NCOA2: variants seen among roughly 807,000 people sequenced by gnomAD.
NCOA2 encodes class E basic helix-loop-helix protein 75.
A neutral mutation model predicts 145.1 loss-of-function variants in NCOA2; 21 were observed. The observed-to-expected ratio is 0.14, with a 90% CI of 0.10 to 0.21. The LOEUF (loss-of-function observed/expected upper bound fraction) is 0.21. Ranked by LOEUF, NCOA2 falls within the 10% of genes least tolerant of loss-of-function variation. The pLI, the probability that NCOA2 is intolerant of heterozygous loss-of-function variation, is 1.00. For missense variants in NCOA2, 1,472 were observed against 1,837.6 expected, an observed-to-expected ratio of 0.80 and a Z score of 3.64; for synonymous variants, 619 against 637.5, an observed-to-expected ratio of 0.97 and a Z score of 0.44.
intron 1 of NCOA2, among the ~76,000 whole-genome samples, chr8:70,315,758 T>C (rs555130458): frequency 9.4e-4 from 143 of 152,288 alleles, no homozygotes; most frequent in African/African-American, 3.1e-3. Context: ...AGAAGTGATT[T>C]TGCAACACTA....
chr8:70,198,891 C>G (rs1163074970), intron 4 of NCOA2, among the ~76,000 whole-genome samples: 2 of 152,218 alleles, frequency 1.3e-5, no homozygotes, highest in Admixed American at 1.3e-4. Flanking sequence ...ACCTGTGGAA[C>G]ACCCCTGTGG....
chr8:70,449,982 C>T, the NCOA2 span, among the ~76,000 whole-genome samples: 3 of 152,058 alleles, frequency 2.0e-5, no homozygotes, highest in Non-Finnish European at 4.4e-5. Context: ...TCTTCAAAAG[C>T]AGGAATGTAG....
In NCOA2 at chr8:70,159,386, A is replaced by G. The variant is rs138898602; in HGVS notation, c.1124+119T>C. The G allele has an allele frequency of 5.2e-4, 474 of 902,966 alleles. 1 individual carries two copies. In the African/African-American group the frequency reaches 7.2e-3, roughly 14 times the overall value. 55.9% of individuals were successfully genotyped at this position (902,966 alleles called of 1,614,324 possible). A position where few individuals can be genotyped will look rare whatever the true frequency, so the allele number is the denominator to read the frequency against. Reference sequence around the variant, plus strand: ...ACAATTTAATTTTATATTTTACATTACTGGGATTGATGAGAAGAAATGTCT... The same window carrying G: ...ACAATTTAATTTTATATTTTACATTGCTGGGATTGATGAGAAGAAATGTCT... On this transcript the variant is annotated intron_variant, in intron 10 of 22. Coordinates refer to ENST00000452400, the MANE Select transcript of NCOA2 (RefSeq NM_006540.4).
chr8:70,338,007 C>G (rs1807781773), intron 1 of NCOA2, among the ~76,000 whole-genome samples: 1 of 151,970 alleles, frequency 6.6e-6, no homozygotes, highest in Non-Finnish European at 1.5e-5. Context: ...AAGTTAATAA[C>G]CTACCATCAC....
intron 2 of NCOA2, among the ~76,000 whole-genome samples, chr8:70,249,223 C>G (rs1412670121): frequency 6.6e-6 from 1 of 152,162 alleles, no homozygotes; most frequent in Admixed American, 6.5e-5. Context: ...AGAGCAGACA[C>G]CATACCTTTT....
chr8:70,297,227 A>G (rs188484409), intron 1 of NCOA2, among the ~76,000 whole-genome samples: 85 of 151,322 alleles, frequency 5.6e-4, no homozygotes, highest in African/African-American at 2.0e-3. Context: ...TGCTGAATAA[A>G]TAAAGAAAGT....
intron 1 of NCOA2, among the ~76,000 whole-genome samples, chr8:70,377,368 T>C (rs921656337): frequency 2.0e-5 from 3 of 152,050 alleles, no homozygotes; most frequent in African/African-American, 4.8e-5. Flanking sequence ...TCAAAATAAT[T>C]AGAAAAGGAA....
chr8:70,143,083 G>A (rs375606785), intron 13 of NCOA2, among the ~76,000 whole-genome samples: 12 of 151,892 alleles, frequency 7.9e-5, no homozygotes, highest in Middle Eastern at 3.4e-3. Context: ...CTGAGTAGCC[G>A]GGATTACAGG....
intron 2 of NCOA2, among the ~76,000 whole-genome samples, chr8:70,237,874 T>C (rs1821771959): frequency 6.6e-6 from 1 of 151,756 alleles, no homozygotes; most frequent in Admixed American, 6.6e-5. Context: ...TGCCATTAGG[T>C]TGAAAAAAAA....
chr8:70,415,244 G>T, the NCOA2 span, among the ~76,000 whole-genome samples: 1 of 151,876 alleles, frequency 6.6e-6, no homozygotes, highest in Non-Finnish European at 1.5e-5. Flanking sequence ...TGTGAGGATC[G>T]CTTGAACCCA....
intron 1 of NCOA2, among the ~76,000 whole-genome samples, chr8:70,403,348 G>A (rs906260449): frequency 2.3e-4 from 34 of 151,038 alleles, no homozygotes; most frequent in Non-Finnish European, 4.9e-4. Context: ...CGCCCGCGCC[G>A]CGGGCTGCAG....
chr8:70,189,203 G>C (rs1413348950), intron 4 of NCOA2, among the ~76,000 whole-genome samples: 6 of 152,146 alleles, frequency 3.9e-5, no homozygotes, highest in Non-Finnish European at 7.4e-5. Context: ...CCAGGTTGAA[G>C]TGGCATTGCT....
At chr8:70,424,285 G>A in the NCOA2 span, 26 of 375,060 alleles carry the variant, frequency 6.9e-5, no homozygotes, top group East Asian at 4.3e-4. Flanking sequence ...CAGATCATTC[G>A]CCAGGACCTG....
chr8:70,450,573 CTTTTTTTTTTT>C, the NCOA2 span, among the ~76,000 whole-genome samples: 1 of 94,652 alleles, frequency 1.1e-5, no homozygotes, highest in African/African-American at 4.3e-5. Context: ...TCTTTTTATT[CTTTTTTTTTTT>C]TTTTTTTTTT....
At chr8:70,364,844 TC>T (rs1204244094) in intron 1 of NCOA2, among the ~76,000 whole-genome samples, 1 of 146,906 alleles carries the variant, frequency 6.8e-6, no homozygotes, top group Non-Finnish European at 1.5e-5. Flanking sequence ...TTTTTTTTTT[TC>T]CCCCAGTCTG....
chr8:70,159,239 TATA>T (rs1479722105), intron 10 of NCOA2, among the ~76,000 whole-genome samples: 52 of 95,856 alleles, frequency 5.4e-4, no homozygotes, highest in African/African-American at 2.4e-3. Context: ...TATATATATA[TATA>T]TTTTTTTTTT....
At chr8:70,402,744 C>A (rs1487175712) in intron 1 of NCOA2, among the ~76,000 whole-genome samples, 1 of 151,786 alleles carries the variant, frequency 6.6e-6, no homozygotes, top group Non-Finnish European at 1.5e-5. Flanking sequence ...GGGGCGCTGG[C>A]GAGCCAACCC....
At chr8:70,328,875 G>C (rs1446928201) in intron 1 of NCOA2, among the ~76,000 whole-genome samples, 1 of 152,066 alleles carries the variant, frequency 6.6e-6, no homozygotes, top group Non-Finnish European at 1.5e-5. Flanking sequence ...AATATAAACT[G>C]ATACAACCAC....
chr8:70,356,028 T>G (rs2130909663), intron 1 of NCOA2, among the ~76,000 whole-genome samples: 1 of 152,338 alleles, frequency 6.6e-6, no homozygotes, highest in South Asian at 2.1e-4. Flanking sequence ...ATGGAACTAC[T>G]GTCTACCCAA....
Sources: gnomAD v4.1 joint callset for allele counts (sites outside exome capture counted in the v4.1 genomes callset) on GRCh38, gnomAD v4.1.1 for gene constraint, MANE v1.5 for transcripts, NCBI Gene and HGNC (gene_info 2026-07-23, HGNC 2026-07-21) for gene names.